Variants in RNF150 observed in about 807,000 individuals in gnomAD.
RNF150 encodes ring finger protein 150.
A neutral mutation model predicts 39.3 loss-of-function variants in RNF150; 24 were observed. The observed-to-expected ratio is 0.61, with a 90% confidence interval of 0.44 to 0.86. RNF150 has a LOEUF of 0.86. Among genes scored for constraint, RNF150 ranks in the 40% least tolerant of loss-of-function variants. The pLI is 0.00. For missense variants in RNF150, 502 were observed against 587.8 expected, an observed-to-expected ratio of 0.85 and a Z score of 1.51; for synonymous variants, 255 against 227.3, an observed-to-expected ratio of 1.12 and a Z score of -1.10.
chr4:141,128,600 A>G (rs776916685), intron 1 of RNF150, among the ~76,000 whole-genome samples: 2 of 152,104 alleles, frequency 1.3e-5, no homozygotes, highest in Non-Finnish European at 2.9e-5. Flanking sequence ...GGCTTTTACT[A>G]CTTGGAAGAT....
At chr4:141,015,169 T>C (rs1578633564) in intron 1 of RNF150, among the ~76,000 whole-genome samples, 1 of 152,304 alleles carries the variant, frequency 6.6e-6, no homozygotes, top group East Asian at 1.9e-4. Flanking sequence ...TCCTCTCCTA[T>C]TGATTGATGT....
intron 2 of RNF150, among the ~76,000 whole-genome samples, chr4:140,951,553 T>TG (rs199512242): frequency 5.8e-4 from 7 of 12,074 alleles, no homozygotes; most frequent in South Asian, 2.4e-3. Context: ...TTGTTGTTGT[T>TG]TTTTTTTTTT....
At chr4:140,985,837 CT>C (rs1439191654) in intron 1 of RNF150, among the ~76,000 whole-genome samples, 1 of 151,748 alleles carries the variant, frequency 6.6e-6, no homozygotes, top group African/African-American at 2.4e-5. Flanking sequence ...ATGTGGCCAC[CT>C]AAAAATTTAA....
intron 1 of RNF150, among the ~76,000 whole-genome samples, chr4:141,081,681 C>A (rs1738153772): frequency 6.6e-6 from 1 of 152,180 alleles, no homozygotes; most frequent in Non-Finnish European, 1.5e-5. Flanking sequence ...AATAATTGAA[C>A]TATTCTTTAA....
intron 4 of RNF150, among the ~76,000 whole-genome samples, chr4:140,942,751 T>C (rs899802372): frequency 6.6e-6 from 1 of 152,214 alleles, no homozygotes; most frequent in Non-Finnish European, 1.5e-5. Flanking sequence ...GTTTCAGATA[T>C]GGAGCATTTT....
chr4:141,174,405 C>T (rs1727775758), intron 1 of RNF150, among the ~76,000 whole-genome samples: 1 of 152,162 alleles, frequency 6.6e-6, no homozygotes, highest in Admixed American at 6.5e-5. Context: ...GCCATACTAG[C>T]TCTGGTTCAC....
chr4:141,062,721 G>T (rs562218359), intron 1 of RNF150, among the ~76,000 whole-genome samples: 5 of 152,222 alleles, frequency 3.3e-5, no homozygotes, highest in African/African-American at 1.2e-4. Context: ...GTGCAGGTTT[G>T]TCACATAGGT....
chr4:141,054,165 A>C (rs1415138125), intron 1 of RNF150, among the ~76,000 whole-genome samples: 1 of 152,030 alleles, frequency 6.6e-6, no homozygotes, highest in Non-Finnish European at 1.5e-5. Flanking sequence ...TGCATTTTCT[A>C]TTTTGTTCAC....
intron 1 of RNF150, among the ~76,000 whole-genome samples, chr4:141,016,768 G>C (rs529978835): frequency 6.6e-6 from 1 of 152,018 alleles, no homozygotes; most frequent in African/African-American, 2.4e-5. Flanking sequence ...GTCCCTGGCC[G>C]CCTTGGCTCT....
At chr4:141,210,048 A>C (rs1578798469) in intron 1 of RNF150, among the ~76,000 whole-genome samples, 1 of 111,746 alleles carries the variant, frequency 8.9e-6, no homozygotes, top group Admixed American at 8.8e-5. Flanking sequence ...CATTAGTCAC[A>C]GATAATTGTC....
rs530459492 is a variant in RNF150, at chr4:140,955,140, C to T, written c.736-5768G>A. ...GTGCACTCTAATACATAATAATGAT[C>T]CTTCCAGGACTGGTTGATATGATAG... On this transcript the variant is annotated intron_variant, in intron 2 of 6. Transcript: ENST00000515673. 3.9e-4 allele frequency among the ~76,000 whole-genome samples: 60 copies of T among 152,286 alleles called. 1 individual carries two copies. In the South Asian group the frequency reaches 0.012, roughly 31 times the overall value.
intron 1 of RNF150, among the ~76,000 whole-genome samples, chr4:141,038,271 A>G (rs1736222844): frequency 6.6e-6 from 1 of 152,168 alleles, no homozygotes; most frequent in Non-Finnish European, 1.5e-5. Context: ...TCAGACTGCA[A>G]CCTTGGGTAG....
intron 1 of RNF150, among the ~76,000 whole-genome samples, chr4:141,051,369 T>G (rs1365975703): frequency 6.6e-6 from 1 of 152,208 alleles, no homozygotes; most frequent in Non-Finnish European, 1.5e-5. Flanking sequence ...CTGGCTTGAA[T>G]TTCTCCTCAG....
At chr4:140,947,810 A>G (rs1732381266) in intron 3 of RNF150, 74 bp from the exon 4 acceptor site, 1 of 1,021,016 alleles carries the variant, frequency 9.8e-7, no homozygotes, top group East Asian at 2.8e-5. Flanking sequence ...GCCAAAACCC[A>G]AGGAGAGCTT....
chr4:140,923,074 T>G (rs1439289659), intron 5 of RNF150, among the ~76,000 whole-genome samples: 1 of 150,626 alleles, frequency 6.6e-6, no homozygotes, highest in Non-Finnish European at 1.5e-5. Flanking sequence ...GGACTTCACG[T>G]CTAAAACACC....
chr4:141,016,335 C>T (rs1735272211), intron 1 of RNF150, among the ~76,000 whole-genome samples: 1 of 152,228 alleles, frequency 6.6e-6, no homozygotes, highest in South Asian at 2.1e-4. Context: ...GACACACCCA[C>T]TTGCACCAAG....
At chr4:141,196,868 A>G (rs921371006) in intron 1 of RNF150, among the ~76,000 whole-genome samples, 2 of 152,216 alleles carry the variant, frequency 1.3e-5, no homozygotes, top group Middle Eastern at 3.2e-3. Context: ...AATCTGCCTT[A>G]GAGACAAGTT....
chr4:141,092,878 G>A (rs1462845906), intron 1 of RNF150, among the ~76,000 whole-genome samples: 1 of 151,618 alleles, frequency 6.6e-6, no homozygotes, highest in East Asian at 1.9e-4. Flanking sequence ...GAAAATGCTG[G>A]AGAATATATT....
chr4:141,108,137 T>C (rs1249975482), intron 1 of RNF150, among the ~76,000 whole-genome samples: 1 of 152,198 alleles, frequency 6.6e-6, no homozygotes. Flanking sequence ...TCTCCAAATA[T>C]AGCTCACATC....
Sources: allele counts gnomAD v4.1 joint callset (sites outside exome capture counted in the v4.1 genomes callset), GRCh38; gene constraint gnomAD v4.1.1; transcripts MANE v1.5; gene names NCBI Gene and HGNC (gene_info 2026-07-23, HGNC 2026-07-21).